SUPT3H: variants seen among roughly 807,000 people sequenced by gnomAD.
The protein encoded by SUPT3H is transcription initiation protein SPT3 homolog.
A neutral mutation model predicts 44.3 loss-of-function variants in SUPT3H; 44 were observed. The observed-to-expected ratio is 0.99, with a 90% confidence interval of 0.78 to 1.28. The LOEUF (loss-of-function observed/expected upper bound fraction) is 1.28. SUPT3H is among the 50% of genes most tolerant of loss of function. The pLI, the probability that SUPT3H is intolerant of heterozygous loss-of-function variation, is 0.00. For synonymous variants in SUPT3H, 124 were observed against 125.6 expected (o/e 0.99, Z 0.09); for missense variants, 380 against 387.1 (o/e 0.98, Z 0.15).
intron 2 of SUPT3H, among the ~76,000 whole-genome samples, chr6:45,255,245 T>C (rs1773151969): frequency 6.6e-6 from 1 of 152,080 alleles, no homozygotes; most frequent in Non-Finnish European, 1.5e-5. Flanking sequence ...TGGAATATAT[T>C]CCCCGGATAA....
intron 2 of SUPT3H, among the ~76,000 whole-genome samples, chr6:45,311,645 T>C (rs1413427804): frequency 6.6e-6 from 1 of 152,172 alleles, no homozygotes; most frequent in South Asian, 2.1e-4. Flanking sequence ...CTAGAAGGGA[T>C]TGGGGCCCTA....
intron 2 of SUPT3H, among the ~76,000 whole-genome samples, chr6:45,142,089 A>G (rs1805304774): frequency 6.6e-6 from 1 of 152,214 alleles, no homozygotes; most frequent in Non-Finnish European, 1.5e-5. Context: ...CTGAGGTCCT[A>G]TCTTTAGCCT....
intron 2 of SUPT3H, among the ~76,000 whole-genome samples, chr6:45,173,443 A>G (rs560441224): frequency 6.6e-6 from 1 of 152,334 alleles, no homozygotes; most frequent in African/African-American, 2.4e-5. Context: ...CTACAAAACT[A>G]GTGTTTCACA....
At chr6:45,249,232 A>G (rs191654191) in intron 2 of SUPT3H, among the ~76,000 whole-genome samples, 5 of 152,292 alleles carry the variant, frequency 3.3e-5, no homozygotes, top group Admixed American at 2.6e-4. Flanking sequence ...TCAGAGATTT[A>G]CTTAGCATTA....
At chr6:45,293,021 C>A (rs1780562706) in intron 2 of SUPT3H, among the ~76,000 whole-genome samples, 1 of 152,026 alleles carries the variant, frequency 6.6e-6, no homozygotes, top group Non-Finnish European at 1.5e-5. Context: ...CATCCAACAA[C>A]CACAGAATAT....
intron 2 of SUPT3H, among the ~76,000 whole-genome samples, chr6:45,110,987 C>T (rs1583594749): frequency 6.6e-6 from 1 of 150,918 alleles, no homozygotes; most frequent in East Asian, 1.9e-4. Context: ...ATAAAATAAA[C>T]ACAAAAGAGA....
chr6:45,244,419 T>C (rs1252395357), intron 2 of SUPT3H, among the ~76,000 whole-genome samples: 2 of 152,206 alleles, frequency 1.3e-5, no homozygotes, highest in Middle Eastern at 3.2e-3. Flanking sequence ...TAAATCATTA[T>C]TTTTCCCAAA....
At chr6:44,957,727 A>G (rs989179464) in intron 7 of SUPT3H, among the ~76,000 whole-genome samples, 1 of 152,166 alleles carries the variant, frequency 6.6e-6, no homozygotes, top group Non-Finnish European at 1.5e-5. Context: ...CACCTAGAAT[A>G]CTGCCTGGCA....
At chr6:44,979,354 T>C (rs1210034488) in intron 6 of SUPT3H, among the ~76,000 whole-genome samples, 7 of 152,208 alleles carry the variant, frequency 4.6e-5, no homozygotes, top group African/African-American at 9.6e-5. Flanking sequence ...GATAGGTTGA[T>C]AGGTTTCAAT....
chr6:45,341,258 A>G (rs985555324), intron 2 of SUPT3H, among the ~76,000 whole-genome samples: 3 of 152,188 alleles, frequency 2.0e-5, no homozygotes, highest in Non-Finnish European at 2.9e-5. Context: ...TTTTCAGTCT[A>G]TATGGTTTTG....
chr6:45,272,904 C>T (rs1562840760), intron 2 of SUPT3H, among the ~76,000 whole-genome samples: 1 of 152,214 alleles, frequency 6.6e-6, no homozygotes, highest in Non-Finnish European at 1.5e-5. Context: ...TCTGCTTTTG[C>T]TTTGCCTGGA....
intron 11 of SUPT3H, among the ~76,000 whole-genome samples, chr6:44,816,373 A>T (rs1318255167): frequency 1.3e-5 from 2 of 152,208 alleles, no homozygotes; most frequent in African/African-American, 2.4e-5. Context: ...GTTAACTTAG[A>T]TAAGGGACAA....
chr6:45,288,531 A>ATGTGTGTGTGTG (rs141680515), intron 2 of SUPT3H, among the ~76,000 whole-genome samples: 2 of 30,684 alleles, frequency 6.5e-5, no homozygotes, highest in Non-Finnish European at 8.9e-5. Flanking sequence ...AAGAGATACA[A>ATGTGTGTGTGTG]TGTGTGTGTG....
chr6:45,126,791 A>G (rs1802500091), intron 2 of SUPT3H, among the ~76,000 whole-genome samples: 2 of 152,214 alleles, frequency 1.3e-5, no homozygotes, highest in Non-Finnish European at 2.9e-5. Context: ...TACTGACTTC[A>G]AAGTGTTTTG....
chr6:44,928,298 G>A (rs890727621), intron 10 of SUPT3H, among the ~76,000 whole-genome samples: 2 of 152,132 alleles, frequency 1.3e-5, no homozygotes, highest in African/African-American at 4.8e-5. Context: ...CTAGAATACT[G>A]CAGATCATAG....
At chr6:44,930,974 G>C (rs1770494997) in intron 10 of SUPT3H, among the ~76,000 whole-genome samples, 1 of 152,124 alleles carries the variant, frequency 6.6e-6, no homozygotes, top group Non-Finnish European at 1.5e-5. Context: ...TAAGTACCAG[G>C]TTGGACATGG....
At chr6:45,148,631 T>G (rs534299907) in intron 2 of SUPT3H, among the ~76,000 whole-genome samples, 3 of 152,284 alleles carry the variant, frequency 2.0e-5, no homozygotes, top group Non-Finnish European at 2.9e-5. Context: ...ACAACTTTTC[T>G]TCTGACTTCA....
At chr6:44,991,882 T>C (rs1780666869) in intron 6 of SUPT3H, among the ~76,000 whole-genome samples, 1 of 152,190 alleles carries the variant, frequency 6.6e-6, no homozygotes, top group African/African-American at 2.4e-5. Context: ...ACACTTGTTT[T>C]CATATTTAGA....
chr6:45,363,807 A>G (rs1378736047), intron 2 of SUPT3H, among the ~76,000 whole-genome samples: 1 of 152,008 alleles, frequency 6.6e-6, no homozygotes, highest in African/African-American at 2.4e-5. Flanking sequence ...GGTGTAATCA[A>G]TTTTTGGCTT....
Sources: allele counts gnomAD v4.1 joint callset (sites outside exome capture counted in the v4.1 genomes callset), GRCh38; gene constraint gnomAD v4.1.1; transcripts MANE v1.5; gene names NCBI Gene and HGNC (gene_info 2026-07-23, HGNC 2026-07-21).